Variants in KCNH8 observed in about 807,000 individuals in gnomAD.
The protein encoded by KCNH8 is potassium voltage-gated channel subfamily H member 8.
Under a neutral mutation model 103.6 loss-of-function variants are expected in KCNH8, and 70 were observed. That is an observed-to-expected ratio of 0.68 (90% CI 0.56 to 0.82). The LOEUF is 0.82. Among genes scored for constraint, KCNH8 ranks in the 40% least tolerant of loss-of-function variants. The pLI, the probability that KCNH8 is intolerant of heterozygous loss-of-function variation, is 0.00. For missense variants in KCNH8, 1,217 were observed against 1,329.9 expected (o/e 0.92, Z 1.32); for synonymous variants, 498 against 489.4 (o/e 1.02, Z -0.23).
At position 19,183,019 on chromosome 3, in the gene KCNH8, A is replaced by C. The variant is rs1381003307; in HGVS notation, c.76+34224A>C. Among the ~76,000 whole-genome samples, 3 of 152,206 alleles carry C rather than the reference A, an allele frequency of 2.0e-5. No homozygotes were observed. In the East Asian group the frequency reaches 5.8e-4, roughly 29 times the overall value. On this transcript the variant is annotated intron_variant, in intron 1 of 15. Coordinates refer to ENST00000328405, the MANE Select transcript of KCNH8 (RefSeq NM_144633.3). ...CTTCTTCATTATGAAACATCATAGC[A>C]AAATAGCAGTACAAGTTTCTCAACC...
chr3:19,270,343 G>A (rs551380898), intron 2 of KCNH8, among the ~76,000 whole-genome samples: 1 of 152,224 alleles, frequency 6.6e-6, no homozygotes, highest in South Asian at 2.1e-4. Context: ...CAGTTTAGAA[G>A]GATTCTGAAT....
intron 11 of KCNH8, among the ~76,000 whole-genome samples, chr3:19,467,137 G>A (rs915291482): frequency 1.3e-5 from 2 of 152,062 alleles, no homozygotes; most frequent in African/African-American, 2.4e-5. Context: ...GTTTGGAAGT[G>A]GTCTGAGGTA....
chr3:19,338,970 ATATGT>A (rs1267222430), intron 3 of KCNH8, among the ~76,000 whole-genome samples: 4 of 152,042 alleles, frequency 2.6e-5, no homozygotes, highest in Non-Finnish European at 5.9e-5. Flanking sequence ...ACAGACACCC[ATATGT>A]TATGTATATA....
chr3:19,298,876 C>T (rs9877958), intron 3 of KCNH8, among the ~76,000 whole-genome samples: 15,122 of 144,638 alleles, frequency 0.1, 854 homozygotes, highest in South Asian at 0.16. Context: ...GAGCCGAGAT[C>T]GCGCCACTGC....
At chr3:19,450,917 A>G (rs558669379) in intron 9 of KCNH8, 17 of 500,666 alleles carry the variant, frequency 3.4e-5, no homozygotes, top group African/African-American at 3.1e-4. Flanking sequence ...TTCCTGCTAG[A>G]GGCTTTTTTA....
chr3:19,150,999 A>G (rs752614623), intron 1 of KCNH8, among the ~76,000 whole-genome samples: 1 of 151,414 alleles, frequency 6.6e-6, no homozygotes, highest in Admixed American at 6.6e-5. Flanking sequence ...TTCTTTTCTC[A>G]TTTTCTTTTC....
intron 11 of KCNH8, among the ~76,000 whole-genome samples, chr3:19,493,431 ATTGT>A (rs1172038126): frequency 6.6e-6 from 1 of 151,998 alleles, no homozygotes; most frequent in Non-Finnish European, 1.5e-5. Context: ...ATTAGATCTG[ATTGT>A]TTTATAAATG....
At chr3:19,483,875 TC>T (rs145953935) in intron 11 of KCNH8, among the ~76,000 whole-genome samples, 2,803 of 152,240 alleles carry the variant, frequency 0.018, 111 homozygotes, top group African/African-American at 0.064. Context: ...GCCATTTTTT[TC>T]TTTTTTGAAG....
chr3:19,187,840 C>A (rs2125207328), intron 1 of KCNH8, among the ~76,000 whole-genome samples: 1 of 152,042 alleles, frequency 6.6e-6, no homozygotes, highest in African/African-American at 2.4e-5. Context: ...CTTTTATCAG[C>A]CCTCATCTAC....
chr3:19,487,022 G>A (rs1031964235), intron 11 of KCNH8, among the ~76,000 whole-genome samples: 2 of 152,168 alleles, frequency 1.3e-5, no homozygotes, highest in Non-Finnish European at 2.9e-5. Context: ...GACTGCCAAG[G>A]AGTGTCCCAG....
chr3:19,491,820 A>G (rs1235224518), intron 11 of KCNH8, among the ~76,000 whole-genome samples: 2 of 152,088 alleles, frequency 1.3e-5, no homozygotes, highest in Non-Finnish European at 2.9e-5. Context: ...CCTTTTCTCC[A>G]CAGCTTTGCC....
chr3:19,510,249 C>T, intron 11 of KCNH8, 114 bp from the exon 12 acceptor site: 2 of 705,000 alleles, frequency 2.8e-6, no homozygotes, highest in Admixed American at 4.2e-5. Context: ...TTCCTGTGCT[C>T]CTTCCCTCCC....
intron 1 of KCNH8, among the ~76,000 whole-genome samples, chr3:19,209,372 A>T (rs2063747507): frequency 6.6e-6 from 1 of 152,086 alleles, no homozygotes; most frequent in Non-Finnish European, 1.5e-5. Context: ...TCTTGAGGAA[A>T]ATGTTATTTT....
chr3:19,442,158 T>C (rs1295650554), intron 8 of KCNH8, among the ~76,000 whole-genome samples: 2 of 152,192 alleles, frequency 1.3e-5, no homozygotes, highest in South Asian at 2.1e-4. Flanking sequence ...GAATTCTCAT[T>C]TTCTGAAGAG....
chr3:19,180,590 C>T (rs955284874), intron 1 of KCNH8, among the ~76,000 whole-genome samples: 1 of 152,138 alleles, frequency 6.6e-6, no homozygotes, highest in Non-Finnish European at 1.5e-5. Context: ...ATTTTCTGAA[C>T]TTGACTTCAG....
intron 1 of KCNH8, among the ~76,000 whole-genome samples, chr3:19,219,391 A>C (rs2125230320): frequency 6.6e-6 from 1 of 152,284 alleles, no homozygotes; most frequent in South Asian, 2.1e-4. Context: ...TCTGACCCTG[A>C]CACTGGAGTG....
intron 11 of KCNH8, among the ~76,000 whole-genome samples, chr3:19,500,780 T>A (rs914500037): frequency 1.3e-5 from 2 of 151,768 alleles, no homozygotes; most frequent in Admixed American, 6.6e-5. Context: ...CATTCAAAGT[T>A]GTGTGTAGAG....
intron 11 of KCNH8, among the ~76,000 whole-genome samples, chr3:19,463,177 T>A (rs1045267944): frequency 2.6e-5 from 4 of 152,152 alleles, no homozygotes; most frequent in Non-Finnish European, 5.9e-5. Context: ...GCTTAGAGCA[T>A]CTGAGGATTT....
At chr3:19,440,810 C>T (rs1470075221) in intron 8 of KCNH8, among the ~76,000 whole-genome samples, 1 of 152,164 alleles carries the variant, frequency 6.6e-6, no homozygotes, top group Non-Finnish European at 1.5e-5. Context: ...TCTAAGTGTT[C>T]TGACATAATA....
Sources: allele counts gnomAD v4.1 joint callset (sites outside exome capture counted in the v4.1 genomes callset), GRCh38; gene constraint gnomAD v4.1.1; transcripts MANE v1.5; gene names NCBI Gene and HGNC (gene_info 2026-07-23, HGNC 2026-07-21).